Variants in PTPRG observed in about 807,000 individuals in gnomAD.
PTPRG encodes receptor-type tyrosine-protein phosphatase gamma.
In PTPRG, 102 loss-of-function variants were observed where a neutral mutation model predicts 165.3. That is an observed-to-expected ratio of 0.62 (90% CI 0.53 to 0.73). PTPRG has a LOEUF of 0.73. PTPRG is among the 30% of genes least tolerant of loss of function. The pLI, the probability that PTPRG is intolerant of heterozygous loss-of-function variation, is 0.00. For missense variants in PTPRG, 1,866 were observed against 1,861.4 expected (o/e 1.00, Z -0.05); for synonymous variants, 675 against 669.5 (o/e 1.01, Z -0.13).
At chr3:61,863,390 G>A (rs1367770207) in intron 2 of PTPRG, among the ~76,000 whole-genome samples, 1 of 152,174 alleles carries the variant, frequency 6.6e-6, no homozygotes, top group Non-Finnish European at 1.5e-5. Context: ...TTATGTTTGA[G>A]CATTTTCATA....
intron 5 of PTPRG, among the ~76,000 whole-genome samples, chr3:62,107,009 C>A (rs1702496118): frequency 6.6e-6 from 1 of 152,198 alleles, no homozygotes; most frequent in Non-Finnish European, 1.5e-5. Context: ...TGTCAGGCTA[C>A]TCTCAGCATT....
intron 1 of PTPRG, among the ~76,000 whole-genome samples, chr3:61,694,124 C>T (rs929193686): frequency 6.6e-6 from 1 of 151,870 alleles, no homozygotes; most frequent in African/African-American, 2.4e-5. Flanking sequence ...TCTACCATGC[C>T]ATTTCAGAGA....
chr3:62,064,067 G>C (rs1700914999), intron 4 of PTPRG, among the ~76,000 whole-genome samples: 1 of 152,144 alleles, frequency 6.6e-6, no homozygotes, highest in South Asian at 2.1e-4. Flanking sequence ...TCTTCTTACA[G>C]CAGTGGTGGG....
intron 2 of PTPRG, among the ~76,000 whole-genome samples, chr3:61,776,005 C>A (rs1375080133): frequency 1.3e-5 from 2 of 151,216 alleles, no homozygotes; most frequent in Non-Finnish European, 2.9e-5. Flanking sequence ...TGCAGCACAC[C>A]AACATGGCAC....
chr3:61,626,679 TG>T (rs370702003), intron 1 of PTPRG, among the ~76,000 whole-genome samples: 28 of 152,346 alleles, frequency 1.8e-4, no homozygotes, highest in African/African-American at 6.7e-4. Flanking sequence ...ATCCTGCTGC[TG>T]GGTGCCAAAG....
intron 2 of PTPRG, among the ~76,000 whole-genome samples, chr3:61,927,166 C>T (rs938449315): frequency 6.6e-5 from 10 of 152,180 alleles, no homozygotes; most frequent in Admixed American, 4.6e-4. Context: ...TCTTTTCCAT[C>T]GGTAGGCACA....
At chr3:62,286,562 T>TAA (rs5849473) in intron 28 of PTPRG, among the ~76,000 whole-genome samples, 17,122 of 151,286 alleles carry the variant, frequency 0.11, 1,165 homozygotes, top group Non-Finnish European at 0.14. Flanking sequence ...ACAGAGCACT[T>TAA]AAAAAAAAAC....
intron 1 of PTPRG, among the ~76,000 whole-genome samples, chr3:61,705,382 C>T (rs2031193203): frequency 6.6e-6 from 1 of 152,032 alleles, no homozygotes; most frequent in South Asian, 2.1e-4. Context: ...TTTTATTCTC[C>T]ATTATTTGCT....
chr3:61,582,284 T>G (rs932162837), intron 1 of PTPRG, among the ~76,000 whole-genome samples: 1 of 152,156 alleles, frequency 6.6e-6, no homozygotes, highest in Non-Finnish European at 1.5e-5. Context: ...TTTGTTTTAT[T>G]TATTAATTTT....
chr3:61,823,043 T>TCA (rs1206539150), intron 2 of PTPRG, among the ~76,000 whole-genome samples: 104 of 152,312 alleles, frequency 6.8e-4, no homozygotes, highest in African/African-American at 2.4e-3. Flanking sequence ...CTTTCCTGGT[T>TCA]AGGAGTTCTT....
chr3:61,865,544 G>A (rs2037381985), intron 2 of PTPRG, among the ~76,000 whole-genome samples: 1 of 152,168 alleles, frequency 6.6e-6, no homozygotes, highest in South Asian at 2.1e-4. Flanking sequence ...AAGCTAGGGA[G>A]TAGGTCGAAT....
At chr3:61,796,244 C>T (rs1018276814) in intron 2 of PTPRG, among the ~76,000 whole-genome samples, 3 of 152,134 alleles carry the variant, frequency 2.0e-5, no homozygotes, top group African/African-American at 7.2e-5. Context: ...TCCATTAGTC[C>T]ACACGCAGAT....
At chr3:61,899,170 G>T (rs1223447111) in intron 2 of PTPRG, among the ~76,000 whole-genome samples, 1 of 152,066 alleles carries the variant, frequency 6.6e-6, no homozygotes, top group Non-Finnish European at 1.5e-5. Context: ...CATCTCTCTG[G>T]GTGGGTTAAA....
chr3:62,266,746 A>AAAAT lies in PTPRG; in HGVS notation c.2657-660_2657-657dup, dbSNP rs544126953. ...TTGCCCATTCTGTTTCTACCTAGGG[A>AAAAT]AAATAAAATTATAACCTCAGCTTCC... On this transcript the variant is annotated intron_variant, in intron 17 of 29. Coordinates refer to ENST00000474889, the MANE Select transcript of PTPRG (RefSeq NM_002841.4). 1.3e-3 allele frequency among the ~76,000 whole-genome samples: 198 copies of AAAAT among 150,570 alleles called. 2 individuals carry two copies. Among genetic ancestry groups the AAAAT allele is most frequent in the African/African-American group, 4.5e-3 (185 of 40,790 alleles).
intron 2 of PTPRG, among the ~76,000 whole-genome samples, chr3:61,854,830 T>C (rs1045540762): frequency 1.8e-4 from 27 of 152,128 alleles, no homozygotes; most frequent in African/African-American, 6.3e-4. Flanking sequence ...ATGCTGACAG[T>C]GTGATAGAGA....
chr3:61,599,009 C>G (rs1700775131), intron 1 of PTPRG, among the ~76,000 whole-genome samples: 1 of 152,094 alleles, frequency 6.6e-6, no homozygotes, highest in African/African-American at 2.4e-5. Flanking sequence ...GACCCAATTT[C>G]AATTCAACAC....
chr3:62,291,246 G>C (rs533072958), intron 28 of PTPRG, among the ~76,000 whole-genome samples: 20 of 152,090 alleles, frequency 1.3e-4, no homozygotes, highest in Non-Finnish European at 2.2e-4. Context: ...AAGTGTTCTC[G>C]TGCTGGGAAT....
intron 2 of PTPRG, among the ~76,000 whole-genome samples, chr3:61,806,069 C>G (rs1482735171): frequency 2.0e-5 from 3 of 152,102 alleles, no homozygotes; most frequent in Non-Finnish European, 2.9e-5. Context: ...GGAACAGGCC[C>G]TTTGTAGCTG....
At chr3:61,812,203 T>TTGTG (rs36020392) in intron 2 of PTPRG, among the ~76,000 whole-genome samples, 3,123 of 150,556 alleles carry the variant, frequency 0.021, 100 homozygotes, top group East Asian at 0.14. Flanking sequence ...CTACAGTTGA[T>TTGTG]TGTGTGTGTG....
Sources: gnomAD v4.1 joint callset for allele counts (sites outside exome capture counted in the v4.1 genomes callset) on GRCh38, gnomAD v4.1.1 for gene constraint, MANE v1.5 for transcripts, NCBI Gene and HGNC (gene_info 2026-07-23, HGNC 2026-07-21) for gene names.